SH3GL3: variants seen among roughly 807,000 people sequenced by gnomAD.
SH3GL3 encodes endophilin-A3.
A neutral mutation model predicts 47.7 loss-of-function variants in SH3GL3; 33 were observed. The observed-to-expected ratio is 0.69, with a 90% CI of 0.52 to 0.92. The LOEUF is 0.92. Among genes scored for constraint, SH3GL3 ranks in the 40% least tolerant of loss-of-function variants. The pLI, the probability that SH3GL3 is intolerant of heterozygous loss-of-function variation, is 0.00. For missense variants in SH3GL3, 363 were observed against 417.8 expected, an observed-to-expected ratio of 0.87 and a Z score of 1.14; for synonymous variants, 155 against 148.8, an observed-to-expected ratio of 1.04 and a Z score of -0.30.
At chr15:83,465,379 G>T (rs911437517) in intron 1 of SH3GL3, among the ~76,000 whole-genome samples, 1 of 151,696 alleles carries the variant, frequency 6.6e-6, no homozygotes, top group Non-Finnish European at 1.5e-5. Context: ...TCTTCTGCTT[G>T]CATGTCTTCA....
chr15:83,486,878 T>G (rs2041621085), intron 1 of SH3GL3, among the ~76,000 whole-genome samples: 1 of 152,202 alleles, frequency 6.6e-6, no homozygotes, highest in African/African-American at 2.4e-5. Context: ...TCTCCCTGTG[T>G]CTTCACATGG....
chr15:83,578,939 C>T (rs1333877803), intron 6 of SH3GL3, among the ~76,000 whole-genome samples: 2 of 152,084 alleles, frequency 1.3e-5, no homozygotes, highest in East Asian at 1.9e-4. Context: ...GTGTCAGATG[C>T]GCCGTCTGAC....
At chr15:83,574,717 C>G (rs2059628216) in intron 5 of SH3GL3, among the ~76,000 whole-genome samples, 1 of 152,142 alleles carries the variant, frequency 6.6e-6, no homozygotes, top group Non-Finnish European at 1.5e-5. Context: ...TTATTGCCAC[C>G]CCTTCCCCAC....
At chr15:83,611,974 C>T (rs777890642) in intron 8 of SH3GL3, among the ~76,000 whole-genome samples, 18 of 130,004 alleles carry the variant, frequency 1.4e-4, no homozygotes, top group African/African-American at 2.2e-4. Flanking sequence ...AGACCAATGG[C>T]GGAAACAACT....
intron 1 of SH3GL3, among the ~76,000 whole-genome samples, chr15:83,449,943 T>G (rs2039656084): frequency 6.6e-6 from 1 of 152,180 alleles, no homozygotes; most frequent in Non-Finnish European, 1.5e-5. Context: ...TAATAAAAAA[T>G]GCCAGATGTT....
At chr15:83,473,075 C>T (rs1010951357) in intron 1 of SH3GL3, among the ~76,000 whole-genome samples, 22 of 152,292 alleles carry the variant, frequency 1.4e-4, no homozygotes, top group African/African-American at 4.6e-4. Context: ...GACACCATGG[C>T]GGGGGCAGCC....
chr15:83,529,720 C>T (rs552612662), intron 1 of SH3GL3, among the ~76,000 whole-genome samples: 26 of 4,568 alleles, frequency 5.7e-3, no homozygotes, highest in African/African-American at 0.024. Flanking sequence ...GTGGGTGGGG[C>T]GGGGGTGGGG....
Position 83,572,638 on chromosome 15 carries a change from A to G in SH3GL3, c.405A>G (p.Val135=). 3 of 1,611,688 alleles carry G rather than the reference A, an allele frequency of 1.9e-6. No individual in the cohort carries two copies. The highest frequency in any genetic ancestry group is 2.5e-6 in the Non-Finnish European group (3 of 1,177,744). The change falls in exon 5 of 9, where the codon GTA becomes GTG. Residue 135 remains valine (V), a synonymous_variant. Transcript: ENST00000427482. ...TGAAAGACTCTCTTGATATTAATGT[A>G]AAGCAAACTTTTATTGATCCACTTC... ...AEVKDSLDIN[V]KQTFIDPLQL...
At chr15:83,543,774 T>C (rs2044276268) in intron 1 of SH3GL3, among the ~76,000 whole-genome samples, 1 of 152,128 alleles carries the variant, frequency 6.6e-6, no homozygotes. Context: ...AATTTATCTG[T>C]TTCTTCTAGG....
In SH3GL3 at chr15:83,550,950, C is replaced by A. The variant is rs192340983; in HGVS notation, c.46-8303C>A. 3.3e-5 allele frequency among the ~76,000 whole-genome samples: 5 copies of A among 152,250 alleles called. No individual in the cohort carries two copies. In the East Asian group the frequency reaches 9.7e-4, roughly 29 times the overall value. On this transcript the variant is annotated intron_variant, in intron 1 of 8. Transcript: ENST00000427482. ...TTTTACATTTTCTCTTAGGTTCCGGCTTTCTTGCTGTTTAATTTCTTGCTT... is the reference window on the plus strand; with the variant it reads ...TTTTACATTTTCTCTTAGGTTCCGGATTTCTTGCTGTTTAATTTCTTGCTT...
At chr15:83,627,200 A>G in the SH3GL3 span, among the ~76,000 whole-genome samples, 2 of 152,134 alleles carry the variant, frequency 1.3e-5, no homozygotes, top group East Asian at 3.9e-4. Context: ...GACAGAGACC[A>G]TCCTGGCTAA....
At chr15:83,449,584 C>T (rs947840701) in intron 1 of SH3GL3, among the ~76,000 whole-genome samples, 2 of 152,104 alleles carry the variant, frequency 1.3e-5, no homozygotes, top group Non-Finnish European at 2.9e-5. Flanking sequence ...CTGACAGTAA[C>T]CAGAATGAAT....
chr15:83,534,939 T>C (rs904915000), intron 1 of SH3GL3, among the ~76,000 whole-genome samples: 4 of 152,122 alleles, frequency 2.6e-5, no homozygotes, highest in African/African-American at 9.7e-5. Context: ...TATATGTAAA[T>C]TTAGGAAAAA....
At chr15:83,548,228 T>A (rs1026221827) in intron 1 of SH3GL3, among the ~76,000 whole-genome samples, 1 of 151,826 alleles carries the variant, frequency 6.6e-6, no homozygotes, top group Non-Finnish European at 1.5e-5. Flanking sequence ...ACATTACTTT[T>A]ATTTTAAGCT....
At chr15:83,577,919 G>C (rs992497785) in intron 6 of SH3GL3, among the ~76,000 whole-genome samples, 17 of 152,198 alleles carry the variant, frequency 1.1e-4, no homozygotes, top group Non-Finnish European at 2.5e-4. Context: ...TTATCTGGGG[G>C]GCGGACAGCC....
intron 6 of SH3GL3, among the ~76,000 whole-genome samples, 180 bp downstream of exon 6, chr15:83,576,921 A>ATTTT (rs71156087): frequency 2.3e-5 from 2 of 86,554 alleles, no homozygotes; most frequent in African/African-American, 4.8e-5. Flanking sequence ...AAAAATCATA[A>ATTTT]TTTTTTTTTT....
At position 83,540,067 on chromosome 15, in the gene SH3GL3, A is replaced by C. The variant is rs2044086743; in HGVS notation, c.46-19186A>C. 2.0e-5 allele frequency among the ~76,000 whole-genome samples: 3 copies of C among 152,144 alleles called. No homozygotes were observed. In the South Asian group the frequency reaches 6.2e-4, roughly 32 times the overall value. The stretch of plus-strand genomic sequence containing the variant: ...TATTTAAAAATATTCTCTAATCTTC[A>C]TCTTTGACTCAGGCTGTTTATGCAT... On this transcript the variant is annotated intron_variant, in intron 1 of 8. Transcript: ENST00000427482.
intron 1 of SH3GL3, among the ~76,000 whole-genome samples, chr15:83,547,208 C>T (rs1031324478): frequency 6.6e-6 from 1 of 152,156 alleles, no homozygotes; most frequent in African/African-American, 2.4e-5. Flanking sequence ...AGTGGTGGGG[C>T]TAGCCAGAAC....
intron 1 of SH3GL3, among the ~76,000 whole-genome samples, chr15:83,542,978 T>C (rs2044235057): frequency 9.3e-6 from 1 of 107,644 alleles, no homozygotes; most frequent in Non-Finnish European, 2.0e-5. Context: ...GATTAGCTAC[T>C]TTTTTTTCTT....
Sources: allele counts gnomAD v4.1 joint callset (sites outside exome capture counted in the v4.1 genomes callset), GRCh38; gene constraint gnomAD v4.1.1; transcripts MANE v1.5; gene names NCBI Gene and HGNC (gene_info 2026-07-23, HGNC 2026-07-21).